The following TSPEAR variants were observed in gnomAD, a reference collection of about 807,000 sequenced individuals.
TSPEAR encodes thrombospondin-type laminin G domain and EAR repeat-containing protein.
A neutral mutation model predicts 71.6 loss-of-function variants in TSPEAR; 69 were observed. The ratio of observed to expected loss-of-function variants is 0.96; its 90% confidence interval spans 0.79 to 1.18. The LOEUF (loss-of-function observed/expected upper bound fraction) is 1.18. TSPEAR is among the 50% of genes most tolerant of loss of function. The pLI, the probability that TSPEAR is intolerant of heterozygous loss-of-function variation, is 0.00. For missense variants in TSPEAR, 971 were observed against 894.9 expected, an observed-to-expected ratio of 1.09 and a Z score of -1.09; for synonymous variants, 402 against 387.2, an observed-to-expected ratio of 1.04 and a Z score of -0.45.
At chr21:44,643,673 C>G (rs1984143834) in intron 1 of TSPEAR, among the ~76,000 whole-genome samples, 1 of 152,178 alleles carries the variant, frequency 6.6e-6, no homozygotes, top group Non-Finnish European at 1.5e-5. Flanking sequence ...AGAAAAGCCA[C>G]TGGAACTCTC....
chr21:44,649,908 G>A (rs1984674076), intron 1 of TSPEAR, among the ~76,000 whole-genome samples: 1 of 152,126 alleles, frequency 6.6e-6, no homozygotes, highest in Non-Finnish European at 1.5e-5. Context: ...CTCTTTCCTG[G>A]GCTGAACAGT....
At position 44,612,062 on chromosome 21, in the gene TSPEAR, C is replaced by A; in HGVS notation, c.83-44057G>T. The A allele has an allele frequency of 6.3e-7, 1 of 1,593,506 alleles. No homozygotes were observed. Among genetic ancestry groups the A allele is most frequent in the Non-Finnish European group, 8.6e-7 (1 of 1,166,824 alleles). On this transcript the variant is annotated intron_variant, in intron 1 of 11. Transcript: ENST00000323084. This position sits in a 1 kb window ranked among gnomAD's most constrained non-coding sequence, Gnocchi z 4.1. ...AGCCAGGGCACACAAACCCACACAC[C>A]TCACACCAGCACTCACACCACCCAG... is the stretch of plus-strand genomic sequence containing the variant.
chr21:44,518,757 C>A, intron 9 of TSPEAR: 1 of 461,796 alleles, frequency 2.2e-6, no homozygotes, highest in Non-Finnish European at 4.5e-6. Flanking sequence ...TGCAACTATT[C>A]CTTGTGTGAT....
intron 1 of TSPEAR, chr21:44,677,947 C>T: frequency 7.3e-7 from 1 of 1,367,202 alleles, no homozygotes; most frequent in Non-Finnish European, 1.0e-6. Flanking sequence ...CCAGCTCCAG[C>T]AATGTTGCCA....
At chr21:44,540,973 A>C (rs2053211195) in intron 2 of TSPEAR, among the ~76,000 whole-genome samples, 1 of 151,932 alleles carries the variant, frequency 6.6e-6, no homozygotes, top group Non-Finnish European at 1.5e-5. Flanking sequence ...AATATTCTTA[A>C]ATTTATTTTT....
intron 9 of TSPEAR, among the ~76,000 whole-genome samples, chr21:44,513,692 C>T (rs892945991): frequency 6.6e-6 from 1 of 152,214 alleles, no homozygotes; most frequent in Non-Finnish European, 1.5e-5. Context: ...GGATTAGTTG[C>T]TGGGCAAAGA....
chr21:44,671,455 C>A (rs1986051549), intron 1 of TSPEAR, among the ~76,000 whole-genome samples: 1 of 152,184 alleles, frequency 6.6e-6, no homozygotes, highest in South Asian at 2.1e-4. Context: ...TAAGGACAGG[C>A]ACATTTGGCC....
chr21:44,659,345 C>G (rs1052528605), intron 1 of TSPEAR, among the ~76,000 whole-genome samples: 1 of 125,750 alleles, frequency 8.0e-6, no homozygotes, highest in African/African-American at 3.9e-5. Flanking sequence ...AGCACAAGCA[C>G]TGATACACCC....
Position 44,499,530 on chromosome 21 carries a change from G to A in TSPEAR, c.*253C>T, listed in dbSNP as rs587694680. 61 of 477,050 alleles carry A rather than the reference G, an allele frequency of 1.3e-4. 1 individual carries two copies. The highest frequency in any genetic ancestry group is 1.2e-3 in the African/African-American group (60 of 48,732). The allele number at this position is 477,050 out of a possible 1,614,324, so 29.6% of individuals were successfully genotyped here. On this transcript the variant is annotated 3_prime_UTR_variant, in exon 12 of 12. Coordinates refer to ENST00000323084, the MANE Select transcript of TSPEAR (RefSeq NM_144991.3). Reference sequence around the variant, plus strand: ...ATCCCCGCTTGACACTCAGATGGGCGAGCACTGGCAGGGGCTCTGGGCCTC... The same window carrying A: ...ATCCCCGCTTGACACTCAGATGGGCAAGCACTGGCAGGGGCTCTGGGCCTC...
rs587710921 is a variant in TSPEAR at position 44,549,014 on chromosome 21, C to T, written c.304-15091G>A. ...TTTATCTTTGCGCAGAGAAGTGCCTCTCACGTGGCCGGTTGCCACGAGAGC... is the reference window on the plus strand; with the variant it reads ...TTTATCTTTGCGCAGAGAAGTGCCTTTCACGTGGCCGGTTGCCACGAGAGC... On this transcript the variant is annotated intron_variant, in intron 2 of 11. Transcript: ENST00000323084. Among the ~76,000 whole-genome samples, 3 of 152,364 alleles carry T rather than the reference C, an allele frequency of 2.0e-5. No individual in the cohort carries two copies. In the East Asian group the frequency reaches 5.8e-4, roughly 29 times the overall value.
At position 44,522,232 on chromosome 21, in the gene TSPEAR, G is replaced by A. The variant is rs112588586; in HGVS notation, c.1337-120C>T. 9,623 of 862,086 alleles carry A rather than the reference G, an allele frequency of 0.011. 626 individuals carry two copies. The African/African-American group carries it at 0.14, about 12-fold the overall frequency. The allele number at this position is 862,086 out of a possible 1,614,324, so 53.4% of individuals were successfully genotyped here. On this transcript the variant is annotated intron_variant, in intron 8 of 11. Transcript: ENST00000323084. ...GAGGACCGAAGACCCACGAGGACAA[G>A]GCCAACCGCTGGGGACATCCTTTCT...
At chr21:44,636,701 A>C (rs1555936741) in intron 1 of TSPEAR, among the ~76,000 whole-genome samples, 2 of 150,656 alleles carry the variant, frequency 1.3e-5, no homozygotes, top group Admixed American at 6.6e-5. Context: ...GCCCCTCCCC[A>C]CCCTCAGACC....
chr21:44,566,716 T>C, intron 2 of TSPEAR, among the ~76,000 whole-genome samples: 1 of 152,148 alleles, frequency 6.6e-6, no homozygotes, highest in East Asian at 1.9e-4. Context: ...CCCACCTATC[T>C]ATAGTCAATT....
At chr21:44,638,080 C>T in intron 1 of TSPEAR, 1 of 1,613,678 alleles carries the variant, frequency 6.2e-7, no homozygotes, top group South Asian at 1.1e-5. Context: ...CCAGCTGCTG[C>T]CGCACGGCCT....
At chr21:44,514,835 C>G (rs1555913156) in intron 9 of TSPEAR, among the ~76,000 whole-genome samples, 1 of 152,174 alleles carries the variant, frequency 6.6e-6, no homozygotes, top group Admixed American at 6.5e-5. Flanking sequence ...AATGGGACAT[C>G]AAACCACCTT....
chr21:44,548,587 T>C (rs2053343380), intron 2 of TSPEAR, among the ~76,000 whole-genome samples: 1 of 152,156 alleles, frequency 6.6e-6, no homozygotes, highest in African/African-American at 2.4e-5. Flanking sequence ...TGGAGCCAGT[T>C]TCAAACAGGA....
At chr21:44,654,407 A>C in intron 1 of TSPEAR, 1 of 1,614,194 alleles carries the variant, frequency 6.2e-7, no homozygotes, top group Non-Finnish European at 8.5e-7. Context: ...GGCACACAGC[A>C]GGCCACCTGG....
chr21:44,625,589 T>C (rs1319170942), intron 1 of TSPEAR, among the ~76,000 whole-genome samples: 3 of 152,272 alleles, frequency 2.0e-5, no homozygotes, highest in African/African-American at 2.4e-5. Flanking sequence ...AACCCAGTCC[T>C]ATCCCCAGCG....
chr21:44,503,174 T>G (rs1250202900), intron 11 of TSPEAR, among the ~76,000 whole-genome samples: 1,834 of 33,614 alleles, frequency 0.055, no homozygotes, highest in Middle Eastern at 0.1. Flanking sequence ...AGCCCTTGGG[T>G]GGAAGCCGGC....
Sources: gnomAD v4.1 joint callset for allele counts (sites outside exome capture counted in the v4.1 genomes callset) on GRCh38, gnomAD v4.1.1 for gene constraint, Gnocchi (gnomAD v3.1) non-coding constraint, MANE v1.5 for transcripts, NCBI Gene and HGNC (gene_info 2026-07-23, HGNC 2026-07-21) for gene names.